Variants in HACD3 observed in about 807,000 individuals in gnomAD.
HACD3 encodes the protein very-long-chain (3R)-3-hydroxyacyl-CoA dehydratase 3.
A neutral mutation model predicts 55.2 loss-of-function variants in HACD3; 30 were observed. That is an observed-to-expected ratio of 0.54 (90% CI 0.41 to 0.74). HACD3 has a LOEUF of 0.74. Among genes scored for constraint, HACD3 ranks in the 30% least tolerant of loss-of-function variants. The pLI is 0.00. For missense variants in HACD3, 363 were observed against 440.1 expected (o/e 0.82, Z 1.57); for synonymous variants, 141 against 151.7 (o/e 0.93, Z 0.52).
At chr15:65,539,305 C>G (rs2071995704) in intron 1 of HACD3, among the ~76,000 whole-genome samples, 1 of 150,742 alleles carries the variant, frequency 6.6e-6, no homozygotes, top group African/African-American at 2.4e-5. Flanking sequence ...ACTGCAATCT[C>G]CGCCTCCTGG....
In HACD3 at chr15:65,570,107, T is replaced by A; in HGVS notation, c.677T>A (p.Phe226Tyr). Residue 226 changes from phenylalanine (F) to tyrosine (Y), a missense_variant, in exon 8 of 11, where the codon TTT becomes TAT. Coordinates refer to ENST00000261875, the MANE Select transcript of HACD3 (RefSeq NM_016395.4). ...TTCTAATAGCTTCTTGGAAGAAATT[T>A]TATTTTGTTTATCATCTTTGGCACC... The part of the protein sequence containing the change: ...PSLIQLLGRN[F>Y]ILFIIFGTME... The A allele has an allele frequency of 6.2e-7, 1 of 1,606,588 alleles. No homozygotes were observed. Among genetic ancestry groups the A allele is most frequent in the Non-Finnish European group, 8.5e-7 (1 of 1,175,866 alleles).
intron 2 of HACD3, 113 bp from the exon 3 acceptor site, chr15:65,554,774 C>G (rs931251001): frequency 3.5e-6 from 2 of 575,790 alleles, no homozygotes; most frequent in Admixed American, 5.2e-5. Context: ...GACTCTGTCT[C>G]AAAAAAAAAA....
intron 7 of HACD3, chr15:65,565,617 GAC>G (rs994716733): frequency 6.6e-6 from 1 of 152,358 alleles, no homozygotes; most frequent in African/African-American, 2.4e-5. Flanking sequence ...GAGCAGCTGG[GAC>G]ACAGGGCACC....
chr15:65,560,632 A>G (rs1377842647), intron 5 of HACD3, among the ~76,000 whole-genome samples: 1 of 152,092 alleles, frequency 6.6e-6, no homozygotes, highest in Non-Finnish European at 1.5e-5. Context: ...CTGTGTTTCT[A>G]CAAAACATAA....
chr15:65,549,909 A>G lies in HACD3; in HGVS notation c.88-1767A>G, dbSNP rs569018183. Among the ~76,000 whole-genome samples the G allele has an allele frequency of 5.3e-5, 8 of 152,356 alleles. No homozygotes were observed. The South Asian group carries it at 1.0e-3, about 20-fold the overall frequency. ...AACCCTCAAGCCATGCATTTAGTTT[A>G]AAGTGGCCTCAACTGGTAGGACCCC... On this transcript the variant is annotated intron_variant, in intron 1 of 10. Coordinates refer to ENST00000261875, the MANE Select transcript of HACD3 (RefSeq NM_016395.4).
chr15:65,533,244 G>A (rs1031461599), intron 1 of HACD3, among the ~76,000 whole-genome samples: 21 of 152,310 alleles, frequency 1.4e-4, no homozygotes, highest in Non-Finnish European at 2.9e-4. Context: ...TTCATTAGGA[G>A]GGTGTTAGAA....
intron 7 of HACD3, 28 bp downstream of exon 7, chr15:65,564,370 G>A (rs1255530592): frequency 1.2e-6 from 2 of 1,604,282 alleles, no homozygotes; most frequent in African/African-American, 1.3e-5. Context: ...TGAAGGGTGG[G>A]TAATGGAAGG....
At position 65,562,142 on chromosome 15, in the gene HACD3, G is replaced by A. The variant is rs147006990; in HGVS notation, c.422-632G>A. The stretch of plus-strand genomic sequence containing the variant: ...TTCATCGGATAGGCATGACTGAAGC[G>A]TGTTGAACTGTGTTGAAATGTGATT... On this transcript the variant is annotated intron_variant, in intron 5 of 10. Transcript: ENST00000261875. Among the ~76,000 whole-genome samples the A allele has an allele frequency of 4.8e-3, 724 of 152,298 alleles. 10 individuals are homozygous for A. The highest frequency in any genetic ancestry group is 0.046 in the South Asian group (220 of 4,832).
In HACD3 at chr15:65,542,838, G is replaced by A. The variant is rs531889614; in HGVS notation, c.88-8838G>A. Among the ~76,000 whole-genome samples the A allele has an allele frequency of 2.4e-4, 36 of 152,154 alleles. No individual in the cohort carries two copies. In the East Asian group the frequency reaches 3.9e-3, roughly 16 times the overall value. ...TGCCTGTAATCTCAGCACTTTGGGA[G>A]GCTGAGGCGGGCAGATGACGAGGTC... On this transcript the variant is annotated intron_variant, in intron 1 of 10. Coordinates refer to ENST00000261875, the MANE Select transcript of HACD3 (RefSeq NM_016395.4).
At chr15:65,543,677 CA>C (rs1175902539) in intron 1 of HACD3, among the ~76,000 whole-genome samples, 1 of 152,074 alleles carries the variant, frequency 6.6e-6, no homozygotes, top group Non-Finnish European at 1.5e-5. Flanking sequence ...CATTTCCAAC[CA>C]AAGAAACTAT....
intron 10 of HACD3, among the ~76,000 whole-genome samples, chr15:65,574,931 AT>A (rs941038248): frequency 3.3e-5 from 5 of 152,236 alleles, no homozygotes. Context: ...TTGGAAAGAC[AT>A]TTAAAATATT....
intron 4 of HACD3, among the ~76,000 whole-genome samples, chr15:65,557,740 C>T (rs1384206484): frequency 1.3e-5 from 2 of 152,216 alleles, no homozygotes; most frequent in East Asian, 3.9e-4. Flanking sequence ...TATTGTCTCC[C>T]ATTTATTTAT....
intron 1 of HACD3, among the ~76,000 whole-genome samples, chr15:65,547,001 T>A (rs2072084050): frequency 6.6e-6 from 1 of 152,182 alleles, no homozygotes; most frequent in African/African-American, 2.4e-5. Flanking sequence ...TAAGCCTCTT[T>A]ATCATTCTTC....
At chr15:65,535,739 A>G in intron 1 of HACD3, 1 of 536,002 alleles carries the variant, frequency 1.9e-6, no homozygotes, top group Non-Finnish European at 3.4e-6. Context: ...TCTGTTGCCC[A>G]GGTTGGAGTG....
intron 10 of HACD3, 33 bp downstream of exon 10, chr15:65,572,399 T>A (rs1305597355): frequency 3.3e-6 from 5 of 1,507,276 alleles, no homozygotes; most frequent in Non-Finnish European, 4.5e-6. Flanking sequence ...AGACTTTTTC[T>A]TGTCACTTCT....
intron 1 of HACD3, among the ~76,000 whole-genome samples, chr15:65,544,060 C>T (rs1004608030): frequency 1.3e-5 from 2 of 151,998 alleles, no homozygotes; most frequent in African/African-American, 4.8e-5. Flanking sequence ...GCCTGTAGTC[C>T]CAGCTACTCG....
intron 1 of HACD3, among the ~76,000 whole-genome samples, chr15:65,550,601 T>A (rs2072122492): frequency 6.6e-6 from 1 of 152,220 alleles, no homozygotes; most frequent in Non-Finnish European, 1.5e-5. Context: ...AGTTAATAAT[T>A]ATTTGTTAAT....
chr15:65,533,401 TATA>T (rs1423868129), intron 1 of HACD3, among the ~76,000 whole-genome samples: 1 of 152,216 alleles, frequency 6.6e-6, no homozygotes, highest in African/African-American at 2.4e-5. Flanking sequence ...GGGAGACTAG[TATA>T]AGAACAAAAC....
chr15:65,571,403 T>G (rs1024602147), intron 8 of HACD3, 145 bp from the exon 9 acceptor site: 3 of 601,882 alleles, frequency 5.0e-6, no homozygotes, highest in Admixed American at 5.7e-5. Flanking sequence ...GGCAGGAGTT[T>G]ATGGGTTGAT....
Sources: allele counts gnomAD v4.1 joint callset (sites outside exome capture counted in the v4.1 genomes callset), GRCh38; gene constraint gnomAD v4.1.1; transcripts MANE v1.5; gene names NCBI Gene and HGNC (gene_info 2026-07-23, HGNC 2026-07-21).